MAP3K14: variants seen among roughly 807,000 people sequenced by gnomAD.
The protein encoded by MAP3K14 is NF-kappa-beta-inducing kinase.
A neutral mutation model predicts 99.2 loss-of-function variants in MAP3K14; 16 were observed. The ratio of observed to expected loss-of-function variants is 0.16; its 90% CI spans 0.11 to 0.24. MAP3K14 has a LOEUF of 0.24. Among genes scored for constraint, MAP3K14 ranks in the 10% least tolerant of loss-of-function variants. The pLI is 1.00. For missense variants in MAP3K14, 784 were observed against 1,208.7 expected (o/e 0.65, Z 5.21); for synonymous variants, 462 against 492.4 (o/e 0.94, Z 0.82).
intron 1 of MAP3K14, among the ~76,000 whole-genome samples, chr17:45,305,844 G>A (rs1178694742): frequency 6.6e-6 from 1 of 152,204 alleles, no homozygotes; most frequent in Non-Finnish European, 1.5e-5. Flanking sequence ...CAGAGGGACA[G>A]AGTGGTCGGC....
Position 45,267,355 on chromosome 17 carries a change from G to GT in MAP3K14, c.2326+50dup. 6.6e-7 allele frequency: 1 copy of GT among 1,522,466 alleles called. No individual in the cohort carries two copies. Among genetic ancestry groups the GT allele is most frequent in the Non-Finnish European group, 8.9e-7 (1 of 1,125,404 alleles). 94.3% of individuals were successfully genotyped at this position (1,522,466 alleles called of 1,614,324 possible). A position where few individuals can be genotyped will look rare whatever the true frequency, so the allele number is the denominator to read the frequency against. On this transcript the variant is annotated intron_variant, in intron 12 of 15. Coordinates refer to ENST00000344686, the MANE Select transcript of MAP3K14 (RefSeq NM_003954.5). The surrounding 1 kb of genome is among the most constrained non-coding windows in gnomAD (Gnocchi z 5.1). Reference sequence around the variant, plus strand: ...TAAAGAGAAACACCGGCCTCCGCGGGTGGCCCAGGGCCAGTGCTCAGGGCC... The same window carrying GT: ...TAAAGAGAAACACCGGCCTCCGCGGGTTGGCCCAGGGCCAGTGCTCAGGGCC...
In MAP3K14 at chr17:45,290,597, A is replaced by T; in HGVS notation, c.149T>A (p.Val50Glu). 1 of 1,613,738 alleles carries T rather than the reference A, an allele frequency of 6.2e-7. No homozygotes were observed. The highest frequency in any genetic ancestry group is 1.1e-5 in the South Asian group (1 of 91,078). The change falls in exon 2 of 16, where the codon GTG (valine) becomes GAG (glutamate). Residue 50 changes from valine to glutamate, a missense_variant. Val to Glu is a moderately radical substitution (Grantham distance 121). Around this residue, in one of 5 missense-constraint regions of MAP3K14, gnomAD observed 188 missense variants for 313.0 expected, o/e 0.60. Coordinates refer to ENST00000344686, the MANE Select transcript of MAP3K14 (RefSeq NM_003954.5). ...YKLEAVEKSP[V>E]FCGKWEILND... ...CAGGATCTCCCACTTTCCGCAGAACACAGGGCTCTTCTCCACGGCCTCAAG... is the reference window on the plus strand; with the variant it reads ...CAGGATCTCCCACTTTCCGCAGAACTCAGGGCTCTTCTCCACGGCCTCAAG...
At chr17:45,310,042 T>C (rs959590497) in intron 1 of MAP3K14, among the ~76,000 whole-genome samples, 1 of 148,550 alleles carries the variant, frequency 6.7e-6, no homozygotes, top group African/African-American at 2.5e-5. Context: ...TTTTTTTTTT[T>C]TTTTTTTTTG....
At chr17:45,306,515 C>T (rs1446230892) in intron 1 of MAP3K14, among the ~76,000 whole-genome samples, 1 of 152,144 alleles carries the variant, frequency 6.6e-6, no homozygotes, top group East Asian at 1.9e-4. Context: ...TGTGGTGGGC[C>T]TGTGTTCCTC....
At chr17:45,293,591 A>G (rs1245676371) in intron 1 of MAP3K14, among the ~76,000 whole-genome samples, 1 of 152,238 alleles carries the variant, frequency 6.6e-6, no homozygotes, top group East Asian at 1.9e-4. Flanking sequence ...CTGACCCAGC[A>G]GATGGCAGCT....
chr17:45,274,294 G>A (rs760896903), intron 7 of MAP3K14, 40 bp from the exon 8 acceptor site: 36 of 1,585,802 alleles, frequency 2.3e-5, no homozygotes, highest in African/African-American at 8.1e-5. Flanking sequence ...GGACTTGCCC[G>A]AGCCTCCATG....
chr17:45,309,907 C>T (rs2044459650), intron 1 of MAP3K14, among the ~76,000 whole-genome samples: 1 of 151,908 alleles, frequency 6.6e-6, no homozygotes, highest in Non-Finnish European at 1.5e-5. Flanking sequence ...CTGTCCTTCA[C>T]ATTGATCTAT....
intron 1 of MAP3K14, among the ~76,000 whole-genome samples, chr17:45,315,167 T>C (rs2044519753): frequency 6.6e-6 from 1 of 151,804 alleles, no homozygotes. Flanking sequence ...AACCAAACCT[T>C]CATCTGTTGA....
At chr17:45,271,027 CCT>C (rs781674912) in intron 10 of MAP3K14, 29 bp downstream of exon 10, 6 of 1,604,484 alleles carry the variant, frequency 3.7e-6, no homozygotes, top group Admixed American at 3.4e-5. Context: ...TGCAGCTCCC[CCT>C]GTTGGCCATG....
chr17:45,271,713 G>C (rs1956464137), intron 9 of MAP3K14, among the ~76,000 whole-genome samples: 1 of 152,202 alleles, frequency 6.6e-6, no homozygotes, highest in South Asian at 2.1e-4. Flanking sequence ...GCTAGGCGGG[G>C]ACTCTGCTGG....
rs1323408203 is a variant in MAP3K14, at chr17:45,286,767, G to A, written c.816C>T (p.Leu272=). 10 of 1,612,734 alleles carry A rather than the reference G, an allele frequency of 6.2e-6. No homozygotes were observed. The highest frequency in any genetic ancestry group is 6.8e-6 in the Non-Finnish European group (8 of 1,179,348). The change falls in exon 5 of 16, where the codon CTC becomes CTT. Residue 272 remains leucine (L), a synonymous_variant. Transcript: ENST00000344686. The surrounding 1 kb of genome is among the most constrained non-coding windows in gnomAD (Gnocchi z 4.1). ...CCAGAGGGTGAGGTTTCCAGGGCTG[G>A]AGAGGGTGGAATGGGAAGGGATGAG... ...RLPHPFPFHP[L]QPWKPHPLES... is the part of the protein sequence containing the mutation.
At chr17:45,294,798 T>C (rs757044638) in intron 1 of MAP3K14, among the ~76,000 whole-genome samples, 1 of 152,246 alleles carries the variant, frequency 6.6e-6, no homozygotes, top group Admixed American at 6.5e-5. Context: ...TGCTCTGTAC[T>C]CAAGGCGACA....
rs756424172 is a variant in MAP3K14, at chr17:45,289,318, G to A, written c.257-13C>T. The A allele has an allele frequency of 6.2e-7, 1 of 1,611,780 alleles. No homozygotes were observed. The highest frequency in any genetic ancestry group is 8.5e-7 in the Non-Finnish European group (1 of 1,177,860). ...TGGCTATTCTCACCTAAAGCAAAAG[G>A]AGTTGGATTAGCAGAGAGGAGAAAA... is the stretch of plus-strand genomic sequence containing the variant. On this transcript the variant is annotated splice_polypyrimidine_tract_variant and intron_variant, in intron 2 of 15. Coordinates refer to ENST00000344686, the MANE Select transcript of MAP3K14 (RefSeq NM_003954.5).
intron 6 of MAP3K14, among the ~76,000 whole-genome samples, chr17:45,277,028 C>A (rs2044186017): frequency 3.3e-5 from 5 of 150,664 alleles, no homozygotes. Context: ...CAGAGTTTCA[C>A]CACGTTGGCC....
chr17:45,267,841 G>T lies in MAP3K14; in HGVS notation c.1973-82C>A. ...CAGGCAGGAGCGGCCTCTCCTGAGT[G>T]CAGAAGGGCTAGAGGCAAACAAAGG... On this transcript the variant is annotated intron_variant, in intron 11 of 15. Transcript: ENST00000344686. The surrounding 1 kb of genome is among the most constrained non-coding windows in gnomAD (Gnocchi z 5.1). 8.2e-7 allele frequency: 1 copy of T among 1,214,782 alleles called. No individual in the cohort carries two copies. The highest frequency in any genetic ancestry group is 1.2e-6 in the Non-Finnish European group (1 of 852,102). 75.3% of individuals were successfully genotyped at this position (1,214,782 alleles called of 1,614,324 possible).
At chr17:45,313,782 T>C (rs1182337732) in intron 1 of MAP3K14, among the ~76,000 whole-genome samples, 1 of 152,220 alleles carries the variant, frequency 6.6e-6, no homozygotes, top group Non-Finnish European at 1.5e-5. Context: ...GGTTTCGTTA[T>C]GTTCAAAATT....
chr17:45,298,398 A>G (rs1415109646), intron 1 of MAP3K14, among the ~76,000 whole-genome samples: 1 of 152,250 alleles, frequency 6.6e-6, no homozygotes, highest in African/African-American at 2.4e-5. Flanking sequence ...AGTAGATTAC[A>G]AAACAGCAAA....
intron 6 of MAP3K14, among the ~76,000 whole-genome samples, chr17:45,278,315 C>A (rs2044195145): frequency 6.6e-6 from 1 of 152,160 alleles, no homozygotes; most frequent in Non-Finnish European, 1.5e-5. Context: ...AGCAGCCCAG[C>A]CTTCCAGGCC....
Position 45,272,675 on chromosome 17 carries a change from C to A in MAP3K14, c.1657+828G>T, listed in dbSNP as rs1300880820. ...CATGATTCGGCCGGGCACGGAGGCT[C>A]ATGCCTGTAATTCCAGCACTTTGGG... On this transcript the variant is annotated intron_variant, in intron 9 of 15. Transcript: ENST00000344686. This position sits in a 1 kb window ranked among gnomAD's most constrained non-coding sequence, Gnocchi z 4.1. Among the ~76,000 whole-genome samples, 1 of 152,196 alleles carries A rather than the reference C, an allele frequency of 6.6e-6. No homozygotes were observed. Among genetic ancestry groups the A allele is most frequent in the African/African-American group, 2.4e-5 (1 of 41,432 alleles).
Sources: allele counts gnomAD v4.1 joint callset (sites outside exome capture counted in the v4.1 genomes callset), GRCh38; gene constraint gnomAD v4.1.1; regional missense constraint gnomAD v4.1.1; non-coding constraint Gnocchi (gnomAD v3.1); transcripts MANE v1.5; gene names NCBI Gene and HGNC (gene_info 2026-07-23, HGNC 2026-07-21).